WNT3: variants seen among roughly 807,000 people sequenced by gnomAD.
WNT3 encodes proto-oncogene Wnt-3.
Under a neutral mutation model 34.2 loss-of-function variants are expected in WNT3, and 7 were observed. The observed-to-expected ratio is 0.20, with a 90% CI of 0.12 to 0.38. The LOEUF is 0.38. Ranked by LOEUF, WNT3 falls within the 10% of genes least tolerant of loss-of-function variation. The pLI is 1.00. For synonymous variants in WNT3, 212 were observed against 211.5 expected, an observed-to-expected ratio of 1.00 and a Z score of -0.02; for missense variants, 267 against 499.8, an observed-to-expected ratio of 0.53 and a Z score of 4.44.
intron 1 of WNT3, among the ~76,000 whole-genome samples, chr17:46,777,893 C>G (rs1228765014): frequency 1.3e-5 from 2 of 152,206 alleles, no homozygotes; most frequent in Non-Finnish European, 2.9e-5. Flanking sequence ...TCCACCAAAC[C>G]CTGTCTCCTT....
In WNT3 at chr17:46,763,306, C is replaced by T. The variant is rs979964176; in HGVS notation, c.*1324G>A. 3.9e-5 allele frequency: 6 copies of T among 152,240 alleles called. No individual in the cohort carries two copies. The highest frequency in any genetic ancestry group is 2.1e-4 in the South Asian group (1 of 4,830). The allele number at this position is 152,240 out of a possible 1,614,324, so 9.4% of individuals were successfully genotyped here. A position where few individuals can be genotyped will look rare whatever the true frequency, so the allele number is the denominator to read the frequency against. ...TCCCTTTTGCTAGCTTTCTCTAGGA[C>T]GCTCAGCTGGACCAGTATGCCTCAG... On this transcript the variant is annotated 3_prime_UTR_variant, in exon 5 of 5. Coordinates refer to ENST00000225512, the MANE Select transcript of WNT3 (RefSeq NM_030753.5).
chr17:46,785,788 C>T lies in WNT3; in HGVS notation c.81-11879G>A, dbSNP rs577194412. Among the ~76,000 whole-genome samples the T allele has an allele frequency of 2.8e-4, 42 of 149,934 alleles. No individual in the cohort carries two copies. In the South Asian group the frequency reaches 4.2e-3, roughly 15 times the overall value. The stretch of plus-strand genomic sequence containing the variant: ...TACCTCAGTCAGAGGGAAGAGGCTG[C>T]GGGCCCTGTGCTCCATCCCAGGGAG... On this transcript the variant is annotated intron_variant, in intron 1 of 4. Transcript: ENST00000225512.
intron 1 of WNT3, among the ~76,000 whole-genome samples, chr17:46,816,115 A>G (rs369834722): frequency 3.8e-5 from 1 of 26,346 alleles, no homozygotes; most frequent in Non-Finnish European, 7.1e-5. Flanking sequence ...GCGCACGTAC[A>G]CACACACACA....
rs1202351261 is a variant in WNT3 at position 46,777,065 on chromosome 17, C to T, written c.81-3156G>A. On this transcript the variant is annotated intron_variant, in intron 1 of 4. Coordinates refer to ENST00000225512, the MANE Select transcript of WNT3 (RefSeq NM_030753.5). Reference sequence around the variant, plus strand: ...TATACAGATGAAAAACAGAGGCCGACCATGCCAGGTGGCTCACGCCTGTAA... The same window carrying T: ...TATACAGATGAAAAACAGAGGCCGATCATGCCAGGTGGCTCACGCCTGTAA... 3.3e-5 allele frequency among the ~76,000 whole-genome samples: 5 copies of T among 152,308 alleles called. No individual in the cohort carries two copies. In the East Asian group the frequency reaches 9.7e-4, roughly 29 times the overall value.
At chr17:46,804,504 C>G (rs182704186) in intron 1 of WNT3, among the ~76,000 whole-genome samples, 1 of 152,172 alleles carries the variant, frequency 6.6e-6, no homozygotes, top group African/African-American at 2.4e-5. Flanking sequence ...AGACACCAGA[C>G]GGAAGCCTCT....
rs1045892583 is a variant in WNT3 at position 46,762,951 on chromosome 17, A to C, written c.*1679T>G. ...TTCTCACATAAAGCAAGTATTATCC[A>C]GTTGACATGATTTAAAACTTTTCAG... On this transcript the variant is annotated 3_prime_UTR_variant, in exon 5 of 5. Transcript: ENST00000225512. The C allele has an allele frequency of 3.3e-5, 5 of 152,226 alleles. No homozygotes were observed. Among genetic ancestry groups the C allele is most frequent in the Admixed American group, 3.3e-4 (5 of 15,284 alleles). The allele number at this position is 152,226 out of a possible 1,614,324, so 9.4% of individuals were successfully genotyped here.
intron 2 of WNT3, among the ~76,000 whole-genome samples, chr17:46,770,798 G>A (rs1428912727): frequency 2.0e-5 from 3 of 152,214 alleles, no homozygotes; most frequent in Non-Finnish European, 2.9e-5. Context: ...GTGTGCTCCA[G>A]CCTCCTCACA....
intron 1 of WNT3, among the ~76,000 whole-genome samples, chr17:46,782,716 A>G (rs2059472402): frequency 6.6e-6 from 1 of 152,192 alleles, no homozygotes; most frequent in Non-Finnish European, 1.5e-5. Context: ...TGACGAGGCA[A>G]TCACTGCTGT....
At chr17:46,790,780 C>T (rs1042332696) in intron 1 of WNT3, among the ~76,000 whole-genome samples, 7 of 152,250 alleles carry the variant, frequency 4.6e-5, no homozygotes, top group African/African-American at 1.4e-4. Flanking sequence ...CATTTGGGCA[C>T]GCCCCTCCGT....
At chr17:46,803,366 T>C (rs561107585) in intron 1 of WNT3, among the ~76,000 whole-genome samples, 1 of 152,292 alleles carries the variant, frequency 6.6e-6, no homozygotes, top group East Asian at 1.9e-4. Flanking sequence ...AAACCTTGTC[T>C]CTACTAAAAA....
intron 1 of WNT3, among the ~76,000 whole-genome samples, chr17:46,813,318 A>G (rs1023299668): frequency 1.3e-5 from 2 of 151,614 alleles, no homozygotes; most frequent in Admixed American, 6.6e-5. Context: ...AAGCCCAGAG[A>G]AGGGAAGGGA....
chr17:46,768,493 T>G lies in WNT3; in HGVS notation c.895A>C (p.Thr299Pro). 1 of 1,614,184 alleles carries G rather than the reference T, an allele frequency of 6.2e-7. No homozygotes were observed. Residue 299 changes from threonine (T) to proline (P), a missense_variant, in exon 4 of 5, where the codon ACT becomes CCT. Physicochemically the swap from Thr to Pro is conservative, Grantham distance 38 (BLOSUM62 -1). This residue lies in a region of WNT3 where 60 missense variants were observed against 82.7 expected (regional missense o/e 0.73). Transcript: ENST00000225512. This position sits in a 1 kb window ranked among gnomAD's most constrained non-coding sequence, Gnocchi z 5.0. ...ATGCCGTGGGAGGTGACATTGCAAG[T>G]CCGGTCCCTTGTGCCAAAGGAACCC... The part of the protein sequence containing the change: ...ETGSFGTRDR[T>P]CNVTSHGIDG...
chr17:46,784,143 G>A (rs73304529), intron 1 of WNT3, among the ~76,000 whole-genome samples: 89 of 152,288 alleles, frequency 5.8e-4, no homozygotes, highest in African/African-American at 1.9e-3. Flanking sequence ...GTGGCTTCAG[G>A]AACAGACAGG....
At chr17:46,787,266 T>C (rs1470185375) in intron 1 of WNT3, among the ~76,000 whole-genome samples, 1 of 136,308 alleles carries the variant, frequency 7.3e-6, no homozygotes, top group African/African-American at 2.9e-5. Context: ...AAGAAAAGTC[T>C]CCACCTGTGA....
intron 2 of WNT3, among the ~76,000 whole-genome samples, chr17:46,771,108 C>G (rs557189466): frequency 6.6e-6 from 1 of 152,366 alleles, no homozygotes; most frequent in African/African-American, 2.4e-5. Flanking sequence ...CGGGACCCCT[C>G]TTGGCTCCCG....
At chr17:46,772,790 C>T (rs1348729585) in intron 2 of WNT3, among the ~76,000 whole-genome samples, 1 of 151,886 alleles carries the variant, frequency 6.6e-6, no homozygotes, top group African/African-American at 2.4e-5. Context: ...AGCACCCCAC[C>T]CCTTCACCTG....
chr17:46,790,722 C>A (rs1387011608), intron 1 of WNT3, among the ~76,000 whole-genome samples: 1 of 152,206 alleles, frequency 6.6e-6, no homozygotes, highest in Non-Finnish European at 1.5e-5. Context: ...TCCATGTTCA[C>A]GGCCACAGAA....
intron 1 of WNT3, among the ~76,000 whole-genome samples, chr17:46,805,349 G>T (rs968135253): frequency 8.9e-4 from 135 of 152,262 alleles, no homozygotes; most frequent in African/African-American, 3.1e-3. Flanking sequence ...GAGGTGGGCG[G>T]GTCACCTGAG....
chr17:46,805,610 C>T (rs2084185014), intron 1 of WNT3, among the ~76,000 whole-genome samples: 1 of 151,932 alleles, frequency 6.6e-6, no homozygotes, highest in Non-Finnish European at 1.5e-5. Context: ...AAAAATTAGC[C>T]ACATATGGTG....
Sources: allele counts gnomAD v4.1 joint callset (sites outside exome capture counted in the v4.1 genomes callset), GRCh38; gene constraint gnomAD v4.1.1; regional missense constraint gnomAD v4.1.1; non-coding constraint Gnocchi (gnomAD v3.1); transcripts MANE v1.5; gene names NCBI Gene and HGNC (gene_info 2026-07-23, HGNC 2026-07-21).